Variants in MTSS1 observed in about 807,000 individuals in gnomAD.
The protein encoded by MTSS1 is protein MTSS 1.
In MTSS1, 18 loss-of-function variants were observed where a neutral mutation model predicts 79.0. That is an observed-to-expected ratio of 0.23 (90% CI 0.16 to 0.34). MTSS1 has a LOEUF of 0.34. Ranked by LOEUF, MTSS1 falls within the 10% of genes least tolerant of loss-of-function variation. The pLI is 1.00. For synonymous variants in MTSS1, 341 were observed against 368.6 expected (o/e 0.93, Z 0.86); for missense variants, 815 against 986.2 (o/e 0.83, Z 2.33).
intron 1 of MTSS1, among the ~76,000 whole-genome samples, chr8:124,718,800 G>A (rs531495685): frequency 5.3e-5 from 8 of 152,256 alleles, no homozygotes; most frequent in African/African-American, 1.2e-4. Flanking sequence ...AACATGTGTC[G>A]TGTGGCTGCC....
At chr8:124,560,601 T>C (rs1200590478) in intron 10 of MTSS1, among the ~76,000 whole-genome samples, 1 of 152,124 alleles carries the variant, frequency 6.6e-6, no homozygotes, top group East Asian at 1.9e-4. Context: ...CAGTGACCTA[T>C]GATCCCGCCA....
In MTSS1 at chr8:124,681,347, C is replaced by T. The variant is rs189668958; in HGVS notation, c.208+18179G>A. Among the ~76,000 whole-genome samples, 67 of 152,286 alleles carry T rather than the reference C, an allele frequency of 4.4e-4. No individual in the cohort carries two copies. In the Middle Eastern group the frequency reaches 0.01, roughly 23 times the overall value. ...GCTATTTCAAGCAGCAAAGGTTCTGCTTCTATGCCATTCCCAGTTTCTGTT... is the reference window on the plus strand; with the variant it reads ...GCTATTTCAAGCAGCAAAGGTTCTGTTTCTATGCCATTCCCAGTTTCTGTT... On this transcript the variant is annotated intron_variant, in intron 3 of 13. Coordinates refer to ENST00000518547, the MANE Select transcript of MTSS1 (RefSeq NM_014751.6).
chr8:124,639,315 G>A (rs1250490911), intron 3 of MTSS1, among the ~76,000 whole-genome samples: 9 of 152,256 alleles, frequency 5.9e-5, no homozygotes, highest in South Asian at 2.1e-4. Flanking sequence ...TCTAGCCTGC[G>A]CCACAAAGCA....
intron 4 of MTSS1, 107 bp downstream of exon 4, chr8:124,591,044 A>C (rs1430469012): frequency 8.3e-5 from 79 of 950,570 alleles, no homozygotes; most frequent in Non-Finnish European, 1.3e-4. Context: ...GAATGAGCCA[A>C]GTCAGACAGA....
chr8:124,598,167 T>C (rs79429274), intron 3 of MTSS1, among the ~76,000 whole-genome samples: 2 of 152,234 alleles, frequency 1.3e-5, no homozygotes, highest in East Asian at 3.9e-4. Context: ...TGGCGGTGTA[T>C]GCCTGCAGTC....
chr8:124,688,190 G>A (rs1827297284), intron 3 of MTSS1, among the ~76,000 whole-genome samples: 1 of 152,066 alleles, frequency 6.6e-6, no homozygotes, highest in African/African-American at 2.4e-5. Context: ...GTATGTATGT[G>A]CATATGTGTA....
At position 124,553,739 on chromosome 8, in the gene MTSS1, T is replaced by G; in HGVS notation, c.1568-47A>C. ...ACATATTCAAGACAGCAGCTGTGCT[T>G]TTTTGATTCTTCTGGGCTGGGAGGA... On this transcript the variant is annotated intron_variant, in intron 13 of 13. Coordinates refer to ENST00000518547, the MANE Select transcript of MTSS1 (RefSeq NM_014751.6). This position sits in a 1 kb window ranked among gnomAD's most constrained non-coding sequence, Gnocchi z 6.0. 6.6e-7 allele frequency: 1 copy of G among 1,522,236 alleles called. No individual in the cohort carries two copies. The highest frequency in any genetic ancestry group is 8.9e-7 in the Non-Finnish European group (1 of 1,120,440). The allele number at this position is 1,522,236 out of a possible 1,614,324, so 94.3% of individuals were successfully genotyped here.
intron 1 of MTSS1, among the ~76,000 whole-genome samples, chr8:124,705,175 A>G (rs1162840762): frequency 6.6e-6 from 1 of 152,178 alleles, no homozygotes; most frequent in Non-Finnish European, 1.5e-5. Flanking sequence ...TGATCATTTA[A>G]GTACAGAACT....
At position 124,568,528 on chromosome 8, in the gene MTSS1, C is replaced by T. The variant is rs1350898355; in HGVS notation, c.469G>A (p.Asp157Asn). The T allele has an allele frequency of 3.7e-6, 6 of 1,614,160 alleles. No individual in the cohort carries two copies. The highest frequency in any genetic ancestry group is 4.2e-6 in the Non-Finnish European group (5 of 1,180,024). ...LQKKAKKGRG[D>N]IQPQLDSALQ... ...GCACTGTCCAACTGAGGCTGGATAT[C>T]ACCTCTCCCTGCAAAAAACAGAGAC... The change falls in exon 7 of 14, where the codon GAT (aspartate) becomes AAT (asparagine). Residue 157 changes from aspartate to asparagine, a missense_variant. Physicochemically the swap from Asp to Asn is conservative, Grantham distance 23. Transcript: ENST00000518547.
At chr8:124,556,512 G>A in intron 11 of MTSS1, 107 bp from the exon 12 acceptor site, 3 of 1,277,468 alleles carry the variant, frequency 2.3e-6, no homozygotes, top group Non-Finnish European at 3.2e-6. Context: ...CCCTTAAGGG[G>A]AACCTCCGGC....
intron 1 of MTSS1, among the ~76,000 whole-genome samples, chr8:124,726,822 C>T (rs1405300956): frequency 6.6e-6 from 1 of 152,202 alleles, no homozygotes; most frequent in African/African-American, 2.4e-5. Flanking sequence ...ACACCACCTC[C>T]CCGGATCTGG....
intron 2 of MTSS1, among the ~76,000 whole-genome samples, chr8:124,701,119 C>A (rs1293886321): frequency 1.3e-5 from 2 of 152,152 alleles, no homozygotes; most frequent in Non-Finnish European, 2.9e-5. Context: ...TGCCTGTAGT[C>A]CCAGCTACTC....
chr8:124,647,853 G>A (rs1001724545), intron 3 of MTSS1, among the ~76,000 whole-genome samples: 2 of 152,166 alleles, frequency 1.3e-5, no homozygotes, highest in African/African-American at 4.8e-5. Flanking sequence ...ATCAGAGGCC[G>A]AACAAGAACC....
intron 3 of MTSS1, among the ~76,000 whole-genome samples, chr8:124,632,071 G>A (rs927208934): frequency 3.3e-5 from 5 of 152,126 alleles, no homozygotes; most frequent in Non-Finnish European, 7.4e-5. Context: ...GAGCCCAGCA[G>A]TTTGAGACCA....
At chr8:124,719,733 C>T (rs1230431169) in intron 1 of MTSS1, among the ~76,000 whole-genome samples, 1 of 152,220 alleles carries the variant, frequency 6.6e-6, no homozygotes, top group East Asian at 1.9e-4. Flanking sequence ...TGCTTCTATT[C>T]TTTGAAACAT....
At chr8:124,646,870 T>C (rs1378330551) in intron 3 of MTSS1, among the ~76,000 whole-genome samples, 1 of 151,904 alleles carries the variant, frequency 6.6e-6, no homozygotes, top group African/African-American at 2.4e-5. Context: ...CAGGCTGGAG[T>C]ACACTGGCTC....
At chr8:124,621,568 G>A (rs575690252) in intron 3 of MTSS1, among the ~76,000 whole-genome samples, 7 of 151,946 alleles carry the variant, frequency 4.6e-5, no homozygotes, top group South Asian at 4.1e-4. Context: ...TTTTTGAGAC[G>A]GCGTCTCGCC....
chr8:124,560,763 G>A (rs1309974293), intron 10 of MTSS1, among the ~76,000 whole-genome samples: 1 of 152,222 alleles, frequency 6.6e-6, no homozygotes, highest in Non-Finnish European at 1.5e-5. Context: ...GACTCAGATG[G>A]AATAAATGGC....
intron 3 of MTSS1, among the ~76,000 whole-genome samples, chr8:124,617,638 C>T (rs1812655028): frequency 6.6e-6 from 1 of 152,140 alleles, no homozygotes; most frequent in African/African-American, 2.4e-5. Context: ...GATTGCCATT[C>T]TCCAGCCCCA....
Sources: gnomAD v4.1 joint callset for allele counts (sites outside exome capture counted in the v4.1 genomes callset) on GRCh38, gnomAD v4.1.1 for gene constraint, Gnocchi (gnomAD v3.1) non-coding constraint, MANE v1.5 for transcripts, NCBI Gene and HGNC (gene_info 2026-07-23, HGNC 2026-07-21) for gene names.